Variants in ZNF385D observed in about 807,000 individuals in gnomAD.
The protein encoded by ZNF385D is zinc finger protein 659.
In ZNF385D, 15 loss-of-function variants were observed where a neutral mutation model predicts 35.8. The observed-to-expected ratio is 0.42, with a 90% CI of 0.28 to 0.64. ZNF385D has a LOEUF of 0.64. Among genes scored for constraint, ZNF385D ranks in the 30% least tolerant of loss-of-function variants. The pLI, the probability that ZNF385D is intolerant of heterozygous loss-of-function variation, is 0.23. For missense variants in ZNF385D, 474 were observed against 494.6 expected, an observed-to-expected ratio of 0.96 and a Z score of 0.39; for synonymous variants, 212 against 186.8, an observed-to-expected ratio of 1.13 and a Z score of -1.10.
At chr3:21,932,849 A>G (rs1014825985) in intron 3 of ZNF385D, among the ~76,000 whole-genome samples, 17 of 152,326 alleles carry the variant, frequency 1.1e-4, no homozygotes, top group Admixed American at 5.2e-4. Context: ...AGCTATTTTC[A>G]TGGTTAGAAT....
intron 3 of ZNF385D, among the ~76,000 whole-genome samples, chr3:21,806,811 C>T (rs1345371830): frequency 6.6e-6 from 1 of 152,158 alleles, no homozygotes; most frequent in African/African-American, 2.4e-5. Context: ...ACCTTCTTGA[C>T]CTGGGAGAAG....
chr3:22,329,287 AT>A (rs901513036), intron 2 of ZNF385D, among the ~76,000 whole-genome samples: 2 of 152,018 alleles, frequency 1.3e-5, no homozygotes, highest in Non-Finnish European at 1.5e-5. Flanking sequence ...TTGAGTAACA[AT>A]TTGGTTTGGT....
chr3:21,676,827 T>C (rs1437049043), intron 1 of ZNF385D, among the ~76,000 whole-genome samples: 4 of 151,922 alleles, frequency 2.6e-5, no homozygotes, highest in African/African-American at 9.7e-5. Context: ...CTCTCTCCTT[T>C]TCAAATATCT....
intron 4 of ZNF385D, among the ~76,000 whole-genome samples, chr3:21,476,183 A>G (rs1373078538): frequency 1.3e-5 from 2 of 152,128 alleles, no homozygotes; most frequent in Non-Finnish European, 2.9e-5. Context: ...GCTTCACTCA[A>G]CTGAAATATA....
chr3:22,088,110 T>C (rs1035941600), intron 3 of ZNF385D, among the ~76,000 whole-genome samples: 2 of 152,080 alleles, frequency 1.3e-5, no homozygotes, highest in African/African-American at 2.4e-5. Flanking sequence ...ATTTAATAAA[T>C]CAACGCAAAG....
chr3:21,717,120 A>G (rs376845910), intron 1 of ZNF385D, among the ~76,000 whole-genome samples: 9 of 152,274 alleles, frequency 5.9e-5, no homozygotes, highest in African/African-American at 2.2e-4. Flanking sequence ...CAACGACAAT[A>G]ACAATAACAA....
At chr3:21,794,144 C>T (rs1055029994) in intron 3 of ZNF385D, among the ~76,000 whole-genome samples, 8 of 152,190 alleles carry the variant, frequency 5.3e-5, no homozygotes, top group Middle Eastern at 3.4e-3. Flanking sequence ...AATTTCTTTT[C>T]GTGACCAAGG....
intron 1 of ZNF385D, among the ~76,000 whole-genome samples, chr3:21,695,756 AT>A (rs1559526848): frequency 7.0e-6 from 1 of 142,930 alleles, no homozygotes; most frequent in African/African-American, 2.5e-5. Context: ...TTAAATATAT[AT>A]TATATATATA....
intron 3 of ZNF385D, 36 bp downstream of exon 3, chr3:21,564,535 ATTT>A (rs3841545): frequency 2.4e-4 from 272 of 1,129,816 alleles, no homozygotes; most frequent in Non-Finnish European, 2.9e-4. Flanking sequence ...AGCAAAATGT[ATTT>A]TTTTTTTTTA....
At chr3:21,886,148 G>T (rs904360858) in intron 3 of ZNF385D, among the ~76,000 whole-genome samples, 1 of 151,942 alleles carries the variant, frequency 6.6e-6, no homozygotes, top group African/African-American at 2.4e-5. Context: ...AGTAAAAATT[G>T]GCAGCACACA....
intron 4 of ZNF385D, among the ~76,000 whole-genome samples, chr3:21,445,002 T>C (rs528904135): frequency 1.3e-5 from 2 of 152,190 alleles, no homozygotes; most frequent in East Asian, 3.9e-4. Context: ...AGTTGGACCA[T>C]GAAGGAGGAA....
intron 3 of ZNF385D, among the ~76,000 whole-genome samples, chr3:22,119,118 C>T (rs549580602): frequency 2.0e-5 from 3 of 152,062 alleles, no homozygotes; most frequent in Non-Finnish European, 2.9e-5. Context: ...AGGGATAGGA[C>T]GTCCTGTGGT....
chr3:21,867,882 G>A (rs1247772750), intron 3 of ZNF385D, among the ~76,000 whole-genome samples: 1 of 152,012 alleles, frequency 6.6e-6, no homozygotes, highest in East Asian at 1.9e-4. Flanking sequence ...AATGTGGCTG[G>A]TGCACCTCAG....
At chr3:21,925,178 A>G (rs1700666481) in intron 3 of ZNF385D, among the ~76,000 whole-genome samples, 1 of 152,148 alleles carries the variant, frequency 6.6e-6, no homozygotes, top group South Asian at 2.1e-4. Context: ...AAGGCAAAGT[A>G]GGTAGAATAG....
At chr3:21,866,927 T>TA (rs1697396339) in intron 3 of ZNF385D, among the ~76,000 whole-genome samples, 1 of 152,072 alleles carries the variant, frequency 6.6e-6, no homozygotes, top group Admixed American at 6.6e-5. Context: ...TGAGGAGACT[T>TA]AAAAAATACC....
intron 3 of ZNF385D, among the ~76,000 whole-genome samples, chr3:21,850,054 T>G (rs923423654): frequency 6.6e-6 from 1 of 152,124 alleles, no homozygotes; most frequent in African/African-American, 2.4e-5. Context: ...TAAAATTGTT[T>G]ATTGAGTTTA....
intron 3 of ZNF385D, among the ~76,000 whole-genome samples, chr3:21,554,507 A>G (rs2062667773): frequency 6.6e-6 from 1 of 152,200 alleles, no homozygotes; most frequent in Non-Finnish European, 1.5e-5. Flanking sequence ...TGGAATAGTC[A>G]GTGAGCACTA....
At chr3:21,653,761 G>T (rs1267194989) in intron 2 of ZNF385D, among the ~76,000 whole-genome samples, 1 of 151,110 alleles carries the variant, frequency 6.6e-6, no homozygotes, top group African/African-American at 2.4e-5. Flanking sequence ...AAAGTAAGTA[G>T]AACTATCCGG....
chr3:21,933,987 A>T (rs897259414), intron 3 of ZNF385D, among the ~76,000 whole-genome samples: 1 of 143,806 alleles, frequency 7.0e-6, no homozygotes, highest in East Asian at 2.0e-4. Flanking sequence ...TATTATTTAC[A>T]TAGTAACTCA....
Sources: allele counts gnomAD v4.1 joint callset (sites outside exome capture counted in the v4.1 genomes callset), GRCh38; gene constraint gnomAD v4.1.1; transcripts MANE v1.5; gene names NCBI Gene and HGNC (gene_info 2026-07-23, HGNC 2026-07-21).